The following RALYL variants were observed in gnomAD, a reference collection of about 807,000 sequenced individuals.
RALYL encodes the protein RNA-binding Raly-like protein.
RALYL carries 29 observed loss-of-function variants against 35.1 expected under a neutral mutation model. The ratio of observed to expected loss-of-function variants is 0.83; its 90% CI spans 0.61 to 1.13. RALYL has a LOEUF of 1.13. Among genes scored for constraint, RALYL ranks in the 50% most tolerant of loss-of-function variants. RALYL has a pLI of 0.00. For synonymous variants in RALYL, 120 were observed against 127.6 expected (o/e 0.94, Z 0.40); for missense variants, 359 against 360.4 (o/e 1.00, Z 0.03).
intron 1 of RALYL, among the ~76,000 whole-genome samples, chr8:84,426,473 T>TGTGTGTGG (rs781271546): frequency 6.7e-6 from 1 of 149,030 alleles, no homozygotes; most frequent in African/African-American, 2.5e-5. Context: ...TGTGTGTGTG[T>TGTGTGTGG]GGGTTTAGAT....
At chr8:84,365,757 A>C (rs1475090726) in intron 1 of RALYL, among the ~76,000 whole-genome samples, 1 of 152,216 alleles carries the variant, frequency 6.6e-6, no homozygotes, top group Non-Finnish European at 1.5e-5. Flanking sequence ...TTACTCAGAA[A>C]ATGAATTTTT....
At chr8:84,536,886 T>G (rs1417731347) in intron 2 of RALYL, among the ~76,000 whole-genome samples, 1 of 152,194 alleles carries the variant, frequency 6.6e-6, no homozygotes, top group Admixed American at 6.5e-5. Context: ...TACAAAAATA[T>G]TTGAATATGT....
intron 2 of RALYL, among the ~76,000 whole-genome samples, chr8:84,680,402 C>A (rs1835191806): frequency 6.6e-6 from 1 of 152,132 alleles, no homozygotes; most frequent in African/African-American, 2.4e-5. Flanking sequence ...ATTTCTAGTA[C>A]TAGATCCCTG....
At chr8:84,586,171 G>A (rs1309685823) in intron 2 of RALYL, among the ~76,000 whole-genome samples, 1 of 151,386 alleles carries the variant, frequency 6.6e-6, no homozygotes, top group Non-Finnish European at 1.5e-5. Flanking sequence ...CTCCAGCCTG[G>A]GCAACAGAGT....
At chr8:84,624,654 G>A (rs912040023) in intron 2 of RALYL, among the ~76,000 whole-genome samples, 1 of 152,134 alleles carries the variant, frequency 6.6e-6, no homozygotes, top group Non-Finnish European at 1.5e-5. Flanking sequence ...GCCTCTTTTT[G>A]TCTTGTAAGA....
intron 2 of RALYL, among the ~76,000 whole-genome samples, chr8:84,765,254 G>T (rs1813640277): frequency 6.6e-6 from 1 of 152,156 alleles, no homozygotes; most frequent in Non-Finnish European, 1.5e-5. Flanking sequence ...GCCAAACTGG[G>T]TTTGAGTGGC....
At chr8:84,622,468 T>G (rs1211756802) in intron 2 of RALYL, among the ~76,000 whole-genome samples, 1 of 152,160 alleles carries the variant, frequency 6.6e-6, no homozygotes, top group East Asian at 1.9e-4. Flanking sequence ...AGCCACTAAA[T>G]TTTGAGCAGA....
At position 84,189,271 on chromosome 8, in the gene RALYL, T is replaced by A. The variant is rs538912939; in HGVS notation, c.-24+4847T>A. On this transcript the variant is annotated intron_variant, in intron 1 of 8. Coordinates refer to ENST00000521268, the MANE Select transcript of RALYL (RefSeq NM_173848.7). ...AGAGATTTTCTGTGCATAAATATGT[T>A]TGGCAAAATTCCATTTAACTCACTA... is the stretch of plus-strand genomic sequence containing the variant. 5.3e-5 allele frequency among the ~76,000 whole-genome samples: 8 copies of A among 152,340 alleles called. No individual in the cohort carries two copies. The East Asian group carries it at 1.2e-3, about 22-fold the overall frequency.
chr8:84,253,902 C>T (rs373460465), intron 1 of RALYL, among the ~76,000 whole-genome samples: 63 of 152,278 alleles, frequency 4.1e-4, no homozygotes, highest in African/African-American at 1.5e-3. Flanking sequence ...ATACTATTGC[C>T]TCTCCACTTC....
intron 2 of RALYL, among the ~76,000 whole-genome samples, chr8:84,774,105 G>C (rs1449243412): frequency 6.6e-6 from 1 of 152,114 alleles, no homozygotes; most frequent in African/African-American, 2.4e-5. Flanking sequence ...TGTAGTCCTA[G>C]CTACTTCAGA....
At chr8:84,328,803 T>A (rs1253092971) in intron 1 of RALYL, among the ~76,000 whole-genome samples, 1 of 152,112 alleles carries the variant, frequency 6.6e-6, no homozygotes, top group Non-Finnish European at 1.5e-5. Flanking sequence ...ATTATCAACT[T>A]TATGTCCATG....
intron 3 of RALYL, among the ~76,000 whole-genome samples, chr8:84,778,900 A>C (rs919844612): frequency 1.3e-5 from 2 of 152,196 alleles, no homozygotes; most frequent in Non-Finnish European, 2.9e-5. Context: ...ATGATAAGCA[A>C]TGGCAGGCTC....
At chr8:84,514,090 T>TAAAAAAAAA (rs57881021) in intron 1 of RALYL, among the ~76,000 whole-genome samples, 10 of 41,146 alleles carry the variant, frequency 2.4e-4, no homozygotes, top group East Asian at 8.8e-4. Flanking sequence ...AGATTTCATC[T>TAAAAAAAAA]AAAAAAAAAA....
chr8:84,631,614 G>A (rs192835851), intron 2 of RALYL, among the ~76,000 whole-genome samples: 2 of 148,698 alleles, frequency 1.3e-5, no homozygotes, highest in African/African-American at 5.1e-5. Context: ...TTTTTTTTTT[G>A]ATATGAAGAT....
intron 2 of RALYL, among the ~76,000 whole-genome samples, chr8:84,707,408 TCTTTTATATATCC>T (rs1353223650): frequency 1.3e-5 from 2 of 152,202 alleles, no homozygotes; most frequent in African/African-American, 4.8e-5. Flanking sequence ...TACTCCTGTA[TCTTTTATATATCC>T]CTCATTTTTT....
At chr8:84,708,147 C>T (rs890165810) in intron 2 of RALYL, among the ~76,000 whole-genome samples, 2 of 152,006 alleles carry the variant, frequency 1.3e-5, no homozygotes, top group Non-Finnish European at 2.9e-5. Flanking sequence ...ATAAGTGTTT[C>T]CTTTCAGAGG....
chr8:84,817,243 A>T (rs1244853253), intron 4 of RALYL, among the ~76,000 whole-genome samples: 2 of 152,090 alleles, frequency 1.3e-5, no homozygotes. Context: ...TAGAATTTAG[A>T]TCTTCAATAT....
intron 2 of RALYL, among the ~76,000 whole-genome samples, chr8:84,552,008 G>T (rs1459009799): frequency 1.3e-5 from 2 of 151,838 alleles, no homozygotes; most frequent in East Asian, 3.9e-4. Flanking sequence ...ACATGCATGT[G>T]CACACATACA....
intron 1 of RALYL, among the ~76,000 whole-genome samples, chr8:84,501,039 G>A (rs557060359): frequency 1.3e-5 from 2 of 152,040 alleles, no homozygotes; most frequent in African/African-American, 4.8e-5. Flanking sequence ...AATAAACCTT[G>A]AATGTAACAT....
Sources: allele counts gnomAD v4.1 joint callset (sites outside exome capture counted in the v4.1 genomes callset), GRCh38; gene constraint gnomAD v4.1.1; transcripts MANE v1.5; gene names NCBI Gene and HGNC (gene_info 2026-07-23, HGNC 2026-07-21).